Variants in LINGO2 observed in about 807,000 individuals in gnomAD.
LINGO2 encodes leucine rich repeat and Ig domain containing 2, also known as leucine-rich repeat and immunoglobulin-like domain-containing nogo receptor-interacting protein 2.
In LINGO2, 14 loss-of-function variants were observed where a neutral mutation model predicts 30.6. The ratio of observed to expected loss-of-function variants is 0.46; its 90% CI spans 0.30 to 0.72. The LOEUF (loss-of-function observed/expected upper bound fraction) is 0.72. Among genes scored for constraint, LINGO2 ranks in the 30% least tolerant of loss-of-function variants. LINGO2 has a pLI of 0.07. For missense variants in LINGO2, 729 were observed against 751.7 expected (o/e 0.97, Z 0.35); for synonymous variants, 317 against 288.5 (o/e 1.10, Z -1.00).
chr9:28,737,445 CATG>C, the LINGO2 span, among the ~76,000 whole-genome samples: 4 of 152,170 alleles, frequency 2.6e-5, no homozygotes, highest in Admixed American at 6.5e-5. Flanking sequence ...TGGCTTGTTA[CATG>C]ATATTAGTAA....
At chr9:28,466,277 T>A (rs935966362) in intron 2 of LINGO2, among the ~76,000 whole-genome samples, 2 of 152,196 alleles carry the variant, frequency 1.3e-5, no homozygotes, top group Admixed American at 1.3e-4. Flanking sequence ...GAAGTACTAT[T>A]CAGCCATAAA....
intron 2 of LINGO2, among the ~76,000 whole-genome samples, chr9:28,474,747 A>G (rs765039198): frequency 2.0e-5 from 3 of 152,140 alleles, no homozygotes; most frequent in East Asian, 3.9e-4. Context: ...CTTGCATCAC[A>G]TGAGTTTTAC....
chr9:28,989,995 T>A, the LINGO2 span, among the ~76,000 whole-genome samples: 43 of 152,248 alleles, frequency 2.8e-4, no homozygotes, highest in African/African-American at 8.9e-4. Flanking sequence ...TGCATTTCCA[T>A]CTGAGGAAAC....
chr9:29,062,466 C>G, the LINGO2 span, among the ~76,000 whole-genome samples: 1 of 151,930 alleles, frequency 6.6e-6, no homozygotes, highest in Non-Finnish European at 1.5e-5. Context: ...AATGGATAAA[C>G]AAAATGTGGT....
the LINGO2 span, among the ~76,000 whole-genome samples, chr9:28,744,457 G>C: frequency 6.6e-6 from 1 of 151,902 alleles, no homozygotes; most frequent in Non-Finnish European, 1.5e-5. Context: ...GTGTATGGTA[G>C]CAACTCTGGA....
intron 1 of LINGO2, among the ~76,000 whole-genome samples, chr9:28,652,316 T>C (rs1363522997): frequency 6.6e-6 from 1 of 152,196 alleles, no homozygotes; most frequent in African/African-American, 2.4e-5. Flanking sequence ...ATTTATAAGA[T>C]ACCAACTACT....
chr9:28,807,877 G>A, the LINGO2 span, among the ~76,000 whole-genome samples: 2 of 151,950 alleles, frequency 1.3e-5, no homozygotes, highest in Admixed American at 6.6e-5. Context: ...TAACCTCAGT[G>A]TCTAACAAAT....
intron 1 of LINGO2, among the ~76,000 whole-genome samples, chr9:28,486,991 T>C (rs1378176123): frequency 1.3e-5 from 2 of 151,966 alleles, no homozygotes; most frequent in Admixed American, 6.6e-5. Flanking sequence ...CAGAGGAAGA[T>C]GGCCTCAAGG....
At chr9:28,055,371 G>T (rs1824878743) in intron 4 of LINGO2, among the ~76,000 whole-genome samples, 1 of 152,224 alleles carries the variant, frequency 6.6e-6, no homozygotes, top group East Asian at 1.9e-4. Flanking sequence ...CTCTAAACAA[G>T]CTTCAGCCAA....
intron 4 of LINGO2, among the ~76,000 whole-genome samples, chr9:28,141,468 A>G (rs1377427360): frequency 1.3e-5 from 2 of 152,262 alleles, no homozygotes; most frequent in Non-Finnish European, 2.9e-5. Flanking sequence ...ACCTAAAACC[A>G]TAATAGCACC....
chr9:29,103,813 A>G, the LINGO2 span, among the ~76,000 whole-genome samples: 35,877 of 152,068 alleles, frequency 0.24, 4,366 homozygotes, highest in East Asian at 0.4. Context: ...GGCCATAATG[A>G]AGACAATACC....
intron 4 of LINGO2, among the ~76,000 whole-genome samples, chr9:28,119,876 T>G (rs1827043101): frequency 6.6e-6 from 1 of 152,180 alleles, no homozygotes. Flanking sequence ...CCCTTCAAGA[T>G]TTCAAGTCAA....
At chr9:28,515,439 G>C (rs7868901) in intron 1 of LINGO2, among the ~76,000 whole-genome samples, 148,564 of 152,244 alleles carry the variant, frequency 0.98, 72,592 homozygotes, top group Middle Eastern at 1. Context: ...ATCTCCTGAC[G>C]TCGTGATCCA....
the LINGO2 span, among the ~76,000 whole-genome samples, chr9:29,024,704 G>A: frequency 2.0e-5 from 3 of 152,142 alleles, no homozygotes; most frequent in African/African-American, 7.2e-5. Flanking sequence ...ATATTGAAAT[G>A]TGTCTCCTGC....
At chr9:28,940,915 T>C in the LINGO2 span, among the ~76,000 whole-genome samples, 2 of 152,098 alleles carry the variant, frequency 1.3e-5, no homozygotes, top group Non-Finnish European at 2.9e-5. Flanking sequence ...ATTTATGTAC[T>C]TTCTGCTTTA....
the LINGO2 span, among the ~76,000 whole-genome samples, chr9:29,181,276 T>C: frequency 1.3e-5 from 2 of 152,198 alleles, no homozygotes; most frequent in Non-Finnish European, 2.9e-5. Context: ...GGAGTTACTA[T>C]GAAAATCACC....
At chr9:28,547,392 T>C (rs1176775450) in intron 1 of LINGO2, among the ~76,000 whole-genome samples, 1 of 152,146 alleles carries the variant, frequency 6.6e-6, no homozygotes, top group East Asian at 1.9e-4. Context: ...TTTGCATCTC[T>C]CTGATATAAA....
At chr9:28,150,271 C>T (rs1423136898) in intron 4 of LINGO2, among the ~76,000 whole-genome samples, 1 of 152,244 alleles carries the variant, frequency 6.6e-6, no homozygotes, top group Non-Finnish European at 1.5e-5. Context: ...TGCCCGGCTG[C>T]TGTGCAACCT....
chr9:28,716,747 A>G, the LINGO2 span, among the ~76,000 whole-genome samples: 4 of 152,200 alleles, frequency 2.6e-5, no homozygotes, highest in South Asian at 8.3e-4. Context: ...CATTTTCAAG[A>G]TGATATAGCA....
Sources: gnomAD v4.1 joint callset for allele counts (sites outside exome capture counted in the v4.1 genomes callset) on GRCh38, gnomAD v4.1.1 for gene constraint, MANE v1.5 for transcripts, NCBI Gene and HGNC (gene_info 2026-07-23, HGNC 2026-07-21) for gene names.